TMTC2: variants seen among roughly 807,000 people sequenced by gnomAD.
TMTC2 encodes the protein transmembrane O-mannosyltransferase targeting cadherins 2, also known as protein O-mannosyl-transferase TMTC2.
In TMTC2, 43 loss-of-function variants were observed where a neutral mutation model predicts 82.4. The observed-to-expected ratio is 0.52, with a 90% confidence interval of 0.41 to 0.67. The LOEUF is 0.67. Among genes scored for constraint, TMTC2 ranks in the 30% least tolerant of loss-of-function variants. The pLI is 0.00. For missense variants in TMTC2, 919 were observed against 1,012.4 expected, an observed-to-expected ratio of 0.91 and a Z score of 1.25; for synonymous variants, 408 against 381.9, an observed-to-expected ratio of 1.07 and a Z score of -0.80.
intron 11 of TMTC2, 96 bp downstream of exon 11, chr12:83,061,927 G>C (rs1349643136): frequency 5.7e-6 from 5 of 883,972 alleles, no homozygotes; most frequent in Non-Finnish European, 8.2e-6. Context: ...TTTGTTTTTT[G>C]TTTTGTTTTG....
chr12:82,801,244 C>A (rs768232207), intron 1 of TMTC2, among the ~76,000 whole-genome samples: 1 of 151,914 alleles, frequency 6.6e-6, no homozygotes, highest in African/African-American at 2.4e-5. Context: ...TTCTTAAAGG[C>A]GGTGTGTCCG....
At chr12:82,937,748 GTGTATATATATATATATA>G (rs1426166592) in intron 4 of TMTC2, among the ~76,000 whole-genome samples, 6 of 92,372 alleles carry the variant, frequency 6.5e-5, no homozygotes, top group African/African-American at 3.0e-4. Context: ...GTGTGTGTGT[GTGTATATATATATATATA>G]TATATATATA....
At chr12:82,963,825 A>G (rs1382309719) in intron 4 of TMTC2, among the ~76,000 whole-genome samples, 2 of 95,760 alleles carry the variant, frequency 2.1e-5, no homozygotes, top group African/African-American at 1.2e-4. Context: ...ATATATATAT[A>G]TATATATATA....
intron 11 of TMTC2, among the ~76,000 whole-genome samples, chr12:83,062,251 T>G (rs550561594): frequency 6.6e-6 from 1 of 151,914 alleles, no homozygotes; most frequent in South Asian, 2.1e-4. Context: ...TCTTTTCTAT[T>G]CCACAGCCCT....
At chr12:82,802,444 G>A (rs758209376) in intron 1 of TMTC2, among the ~76,000 whole-genome samples, 18 of 152,198 alleles carry the variant, frequency 1.2e-4, no homozygotes, top group Non-Finnish European at 2.4e-4. Context: ...CAGAGTGGGC[G>A]CCAAGGCTGA....
At chr12:82,937,746 GTGTGTATATATATA>G (rs1565818139) in intron 4 of TMTC2, among the ~76,000 whole-genome samples, 1 of 60,332 alleles carries the variant, frequency 1.7e-5, no homozygotes, top group Non-Finnish European at 3.3e-5. Flanking sequence ...GTGTGTGTGT[GTGTGTATATATATA>G]TATATATATA....
chr12:82,869,714 C>G (rs1344874128), intron 2 of TMTC2, among the ~76,000 whole-genome samples: 3 of 151,886 alleles, frequency 2.0e-5, no homozygotes, highest in Admixed American at 6.6e-5. Flanking sequence ...TGGTGTGCAC[C>G]TGTAATTCCA....
At chr12:82,799,790 A>G (rs1878907300) in intron 1 of TMTC2, among the ~76,000 whole-genome samples, 1 of 152,074 alleles carries the variant, frequency 6.6e-6, no homozygotes, top group Non-Finnish European at 1.5e-5. Flanking sequence ...AATTTAACCT[A>G]CAACAGAGGT....
intron 9 of TMTC2, among the ~76,000 whole-genome samples, chr12:83,049,807 C>A (rs1882282141): frequency 6.6e-6 from 1 of 152,174 alleles, no homozygotes; most frequent in Admixed American, 6.5e-5. Flanking sequence ...CTTTTCTCTG[C>A]AACCTTGCCA....
chr12:82,949,719 GATA>G (rs904134406), intron 4 of TMTC2, among the ~76,000 whole-genome samples: 1 of 152,076 alleles, frequency 6.6e-6, no homozygotes, highest in African/African-American at 2.4e-5. Flanking sequence ...ATAATTATAT[GATA>G]ATAAAATCTG....
intron 2 of TMTC2, among the ~76,000 whole-genome samples, chr12:82,867,917 G>A (rs931099498): frequency 6.6e-6 from 1 of 152,098 alleles, no homozygotes; most frequent in Non-Finnish European, 1.5e-5. Context: ...ATCTTTTCAC[G>A]CAGAGATGCT....
chr12:83,034,210 G>A (rs1312247263), intron 9 of TMTC2, among the ~76,000 whole-genome samples: 10 of 152,066 alleles, frequency 6.6e-5, no homozygotes, highest in Admixed American at 6.6e-4. Context: ...GTAGGAAGTT[G>A]GATACTCCTT....
At chr12:82,784,328 T>A (rs1878066146) in intron 1 of TMTC2, among the ~76,000 whole-genome samples, 1 of 152,108 alleles carries the variant, frequency 6.6e-6, no homozygotes, top group Admixed American at 6.6e-5. Context: ...GGGGACTATA[T>A]CTTAGAGAAG....
At chr12:83,089,299 GT>G (rs1883761895) in intron 11 of TMTC2, among the ~76,000 whole-genome samples, 1 of 152,142 alleles carries the variant, frequency 6.6e-6, no homozygotes, top group Non-Finnish European at 1.5e-5. Context: ...AGCAAGCTAA[GT>G]GTTATTTTAC....
intron 11 of TMTC2, among the ~76,000 whole-genome samples, chr12:83,067,578 T>G (rs1352139624): frequency 1.3e-5 from 2 of 152,002 alleles, no homozygotes; most frequent in Non-Finnish European, 2.9e-5. Flanking sequence ...CTTTAGGTAG[T>G]AAATTATTTA....
intron 1 of TMTC2, among the ~76,000 whole-genome samples, chr12:82,743,991 G>A (rs1475656532): frequency 6.6e-6 from 1 of 152,160 alleles, no homozygotes; most frequent in Non-Finnish European, 1.5e-5. Context: ...AAGGAGGGGG[G>A]TGCTGGGCAT....
chr12:83,109,247 C>A (rs1167067287), intron 11 of TMTC2, among the ~76,000 whole-genome samples: 1 of 152,024 alleles, frequency 6.6e-6, no homozygotes, highest in African/African-American at 2.4e-5. Context: ...TCAATTATGG[C>A]GGAAGGTGAA....
chr12:82,724,104 TTC>T (rs371388619), intron 1 of TMTC2, among the ~76,000 whole-genome samples: 191 of 152,362 alleles, frequency 1.3e-3, no homozygotes, highest in African/African-American at 4.4e-3. Context: ...TTTGTCTGGT[TTC>T]TCTCTGACAC....
chr12:83,106,103 A>G (rs898298970), intron 11 of TMTC2, among the ~76,000 whole-genome samples: 1 of 152,222 alleles, frequency 6.6e-6, no homozygotes, highest in African/African-American at 2.4e-5. Flanking sequence ...TATGTGAGTA[A>G]ATTTCTTAGG....
Sources: allele counts gnomAD v4.1 joint callset (sites outside exome capture counted in the v4.1 genomes callset), GRCh38; gene constraint gnomAD v4.1.1; transcripts MANE v1.5; gene names NCBI Gene and HGNC (gene_info 2026-07-23, HGNC 2026-07-21).